SLC45A2: variants seen among roughly 807,000 people sequenced by gnomAD.
The protein encoded by SLC45A2 is solute carrier family 45 member 2.
In SLC45A2, 36 loss-of-function variants were observed where a neutral mutation model predicts 45.5. The observed-to-expected ratio is 0.79, with a 90% confidence interval of 0.61 to 1.04. The LOEUF (loss-of-function observed/expected upper bound fraction) is 1.04. Among genes scored for constraint, SLC45A2 ranks in the 50% least tolerant of loss-of-function variants. SLC45A2 has a pLI of 0.00. For missense variants in SLC45A2, 719 were observed against 671.0 expected, an observed-to-expected ratio of 1.07 and a Z score of -0.79; for synonymous variants, 306 against 269.3, an observed-to-expected ratio of 1.14 and a Z score of -1.33.
intron 2 of SLC45A2, chr5:33,972,408 A>T (rs558595503): frequency 7.5e-5 from 27 of 358,878 alleles, no homozygotes; most frequent in Non-Finnish European, 1.4e-4. Context: ...TTGAAAATCC[A>T]TGCAAGTCCC....
At chr5:33,975,064 G>A (rs982664495) in intron 2 of SLC45A2, among the ~76,000 whole-genome samples, 1 of 152,224 alleles carries the variant, frequency 6.6e-6, no homozygotes, top group Non-Finnish European at 1.5e-5. Context: ...AAAAGAGGAA[G>A]ATGTTTTAAG....
intron 6 of SLC45A2, among the ~76,000 whole-genome samples, chr5:33,945,494 G>A (rs1297477360): frequency 6.6e-6 from 1 of 151,984 alleles, no homozygotes; most frequent in African/African-American, 2.4e-5. Flanking sequence ...TTCCGAACTG[G>A]CTGATAACTT....
chr5:33,977,514 G>A (rs1752963750), intron 2 of SLC45A2, among the ~76,000 whole-genome samples: 1 of 152,164 alleles, frequency 6.6e-6, no homozygotes, highest in African/African-American at 2.4e-5. Context: ...GAGAATGAGG[G>A]CCCTTGTTCC....
At chr5:33,954,216 C>A in intron 4 of SLC45A2, 145 bp downstream of exon 4, 1 of 1,148,392 alleles carries the variant, frequency 8.7e-7, no homozygotes, top group Non-Finnish European at 1.3e-6. Flanking sequence ...TTTTTCTACA[C>A]CTGTCTGTAA....
chr5:33,980,296 T>A (rs886805805), intron 2 of SLC45A2, among the ~76,000 whole-genome samples: 8 of 152,176 alleles, frequency 5.3e-5, no homozygotes, highest in African/African-American at 1.9e-4. Flanking sequence ...ATTTATAGCT[T>A]TGCCAATTTC....
In SLC45A2 at chr5:33,971,093, A is replaced by C. The variant is rs534105435; in HGVS notation, c.563-7077T>G. The C allele has an allele frequency of 5.8e-6, 3 of 519,566 alleles. No homozygotes were observed. In the African/African-American group the frequency reaches 5.8e-5, roughly 10 times the overall value. The allele number at this position is 519,566 out of a possible 1,614,324, so 32.2% of individuals were successfully genotyped here. On this transcript the variant is annotated intron_variant, in intron 2 of 6. Transcript: ENST00000296589. The stretch of plus-strand genomic sequence containing the variant: ...CATTGTTAAAGCTGCAGATGGACCA[A>C]GATGTGTTGGGAGTTGTCGTCGACA...
At position 33,963,989 on chromosome 5, in the gene SLC45A2, A is replaced by C; in HGVS notation, c.590T>G (p.Leu197Trp). The change falls in exon 3 of 7, where the codon TTG (leucine) becomes TGG (tryptophan). Residue 197 changes from leucine (L) to tryptophan (W), a missense_variant. Leu to Trp is a moderately conservative substitution (Grantham distance 61). Coordinates refer to ENST00000296589, the MANE Select transcript of SLC45A2 (RefSeq NM_016180.5). ...TGFGGALGYLLGAIDWAHLEL... is the reference protein window; with the variant it reads ...TGFGGALGYLWGAIDWAHLEL... ...CAGATGGGCCCAGTCTATAGCACCCAAAAGGTAACCCAGGGCACCTCCAAA... is the reference window on the plus strand; with the variant it reads ...CAGATGGGCCCAGTCTATAGCACCCCAAAGGTAACCCAGGGCACCTCCAAA... 1 of 1,614,026 alleles carries C rather than the reference A, an allele frequency of 6.2e-7. No homozygotes were observed. Among genetic ancestry groups the C allele is most frequent in the Middle Eastern group, 1.7e-4 (1 of 6,058 alleles).
At chr5:33,946,194 G>A (rs1751921570) in intron 6 of SLC45A2, 1 of 985,306 alleles carries the variant, frequency 1.0e-6, no homozygotes, top group African/African-American at 1.7e-5. Flanking sequence ...AGTTTTTTAT[G>A]ATGACTCTCC....
At chr5:33,974,071 G>C (rs1455516912) in intron 2 of SLC45A2, among the ~76,000 whole-genome samples, 1 of 152,356 alleles carries the variant, frequency 6.6e-6, no homozygotes, top group African/African-American at 2.4e-5. Flanking sequence ...TCAAGTAGCA[G>C]AAATACGCTT....
intron 4 of SLC45A2, among the ~76,000 whole-genome samples, chr5:33,953,402 T>C (rs1752177295): frequency 6.7e-6 from 1 of 149,642 alleles, no homozygotes; most frequent in South Asian, 2.1e-4. Flanking sequence ...TGGTGTGAGA[T>C]GATATCTCAT....
At chr5:33,984,169 C>T in intron 1 of SLC45A2, 30 bp downstream of exon 1, 1 of 1,613,194 alleles carries the variant, frequency 6.2e-7, no homozygotes, top group Non-Finnish European at 8.5e-7. Context: ...ACACATATCC[C>T]TGTCTGCCCA....
At chr5:33,967,540 C>A (rs1752634630) in intron 2 of SLC45A2, among the ~76,000 whole-genome samples, 1 of 152,166 alleles carries the variant, frequency 6.6e-6, no homozygotes, top group South Asian at 2.1e-4. Flanking sequence ...TTCTAACTAA[C>A]TTCCTTTCTT....
intron 1 of SLC45A2, 128 bp downstream of exon 1, chr5:33,984,071 A>T: frequency 7.3e-7 from 1 of 1,364,102 alleles, no homozygotes; most frequent in Non-Finnish European, 1.0e-6. Flanking sequence ...GGGGAAGTTC[A>T]TTGTAACCTA....
At chr5:33,959,722 C>T (rs762786174) in intron 3 of SLC45A2, among the ~76,000 whole-genome samples, 3 of 152,290 alleles carry the variant, frequency 2.0e-5, no homozygotes, top group Middle Eastern at 3.4e-3. Context: ...AACTTGAAGG[C>T]AGTCATGTTT....
Position 33,963,797 on chromosome 5 carries a change from G to C in SLC45A2, c.782C>G (p.Ser261Ter). ...PQQTPQDPPLSSDGMYEYGSI... is the reference protein window; with the variant it reads ...PQQTPQDPPL ...ACCATACTCGTACATTCCATCTGAT[G>C]ACAATGGAGGGTCCTGAGGGGTTTG... is the stretch of plus-strand genomic sequence containing the variant. The change falls in exon 3 of 7, where the codon TCA becomes TGA. Residue 261 changes from serine to a stop codon, truncating the protein, a stop_gained. Transcript: ENST00000296589. LOFTEE classifies it high-confidence loss of function. 6.2e-7 allele frequency: 1 copy of C among 1,614,118 alleles called. No individual in the cohort carries two copies. Among genetic ancestry groups the C allele is most frequent in the Non-Finnish European group, 8.5e-7 (1 of 1,180,018 alleles).
At chr5:33,971,102 G>T in intron 2 of SLC45A2, 1 of 524,308 alleles carries the variant, frequency 1.9e-6, no homozygotes, top group South Asian at 1.4e-5. Flanking sequence ...AAGATGTGTT[G>T]GGAGTTGTCG....
intron 3 of SLC45A2, among the ~76,000 whole-genome samples, chr5:33,962,469 G>A (rs193140590): frequency 5.3e-5 from 8 of 152,340 alleles, no homozygotes; most frequent in Admixed American, 3.3e-4. Flanking sequence ...ACAGGAAGGT[G>A]AGATTCACTG....
At chr5:33,962,985 C>T (rs1010778834) in intron 3 of SLC45A2, among the ~76,000 whole-genome samples, 1 of 152,234 alleles carries the variant, frequency 6.6e-6, no homozygotes, top group African/African-American at 2.4e-5. Context: ...ATGGGAATGT[C>T]TTACATCTGC....
Position 33,944,794 on chromosome 5 carries a change from C to G in SLC45A2, c.1447G>C (p.Val483Leu), listed in dbSNP as rs928474154. 1.2e-6 allele frequency: 2 copies of G among 1,614,090 alleles called. No homozygotes were observed. Among genetic ancestry groups the G allele is most frequent in the African/African-American group, 1.3e-5 (1 of 74,938 alleles). ...GMDCATLTCM[V>L]QLAQILVGGG... Reference sequence around the variant, plus strand: ...CCGACCAGGATCTGAGCCAGCTGCACCATGCATGTGAGGGTGGCGCAGTCC... The same window carrying G: ...CCGACCAGGATCTGAGCCAGCTGCAGCATGCATGTGAGGGTGGCGCAGTCC... The change falls in exon 7 of 7, where the codon GTG (valine) becomes CTG (leucine). Residue 483 changes from valine (V) to leucine (L), a missense_variant. Physicochemically the swap from Val to Leu is conservative, Grantham distance 32. Coordinates refer to ENST00000296589, the MANE Select transcript of SLC45A2 (RefSeq NM_016180.5).
Sources: gnomAD v4.1 joint callset for allele counts (sites outside exome capture counted in the v4.1 genomes callset) on GRCh38, gnomAD v4.1.1 for gene constraint, MANE v1.5 for transcripts, NCBI Gene and HGNC (gene_info 2026-07-23, HGNC 2026-07-21) for gene names.